CHD2: variants seen among roughly 807,000 people sequenced by gnomAD.
The protein encoded by CHD2 is chromodomain helicase DNA binding protein 2, also known as ATP-dependent chromatin remodeler CHD2.
A neutral mutation model predicts 243.9 loss-of-function variants in CHD2; 28 were observed. The ratio of observed to expected loss-of-function variants is 0.11; its 90% CI spans 0.09 to 0.16. The LOEUF (loss-of-function observed/expected upper bound fraction) is 0.16, where lower values mean the gene tolerates loss of function less well. Among genes scored for constraint, CHD2 ranks in the 10% least tolerant of loss-of-function variants. The pLI, the probability that CHD2 is intolerant of heterozygous loss-of-function variation, is 1.00. For missense variants in CHD2, 1,386 were observed against 2,209.8 expected (o/e 0.63, Z 7.47); for synonymous variants, 775 against 779.0 (o/e 0.99, Z 0.09).
At chr15:92,929,119 A>C (rs760390541) in intron 5 of CHD2, 28 bp downstream of exon 5, 2 of 1,581,756 alleles carry the variant, frequency 1.3e-6, no homozygotes, top group Non-Finnish European at 1.7e-6. Context: ...GAAATTATTC[A>C]ATCTAGTAGT....
intron 10 of CHD2, 125 bp from the exon 11 acceptor site, chr15:92,945,696 A>ATTTTTTTTTTTT: frequency 2.1e-6 from 1 of 475,910 alleles, no homozygotes; most frequent in Non-Finnish European, 3.5e-6. Context: ...CTATAATCCC[A>ATTTTTTTTTTTT]TTTTTTTTTT....
chr15:93,012,226 A>G (rs142808802), intron 35 of CHD2, 119 bp from the exon 36 acceptor site: 1 of 518,656 alleles, frequency 1.9e-6, no homozygotes, highest in African/African-American at 2.0e-5. Context: ...TCTGTAGCTT[A>G]ATTTCTATGC....
chr15:92,948,334 A>G (rs2053503384), intron 12 of CHD2, among the ~76,000 whole-genome samples: 1 of 152,178 alleles, frequency 6.6e-6, no homozygotes, highest in African/African-American at 2.4e-5. Flanking sequence ...TAACAGAAAG[A>G]TAGTTGTTTC....
chr15:93,019,582 G>C (rs2054505781), intron 37 of CHD2, among the ~76,000 whole-genome samples: 1 of 152,168 alleles, frequency 6.6e-6, no homozygotes, highest in Non-Finnish European at 1.5e-5. Context: ...GCTTACTTCA[G>C]CAGCATACCT....
At chr15:92,906,243 TTCTC>T (rs748764469) in intron 2 of CHD2, among the ~76,000 whole-genome samples, 7 of 152,022 alleles carry the variant, frequency 4.6e-5, no homozygotes, top group Admixed American at 2.6e-4. Flanking sequence ...GTTGATCGAT[TTCTC>T]TCTCTTTCTC....
chr15:92,934,501 A>G (rs1177349374), intron 5 of CHD2, among the ~76,000 whole-genome samples: 1 of 152,186 alleles, frequency 6.6e-6, no homozygotes, highest in Non-Finnish European at 1.5e-5. Flanking sequence ...TCACGATCTC[A>G]TATCTTAAAC....
intron 20 of CHD2, among the ~76,000 whole-genome samples, chr15:92,975,527 G>A (rs1483357650): frequency 6.6e-6 from 1 of 152,180 alleles, no homozygotes; most frequent in Non-Finnish European, 1.5e-5. Flanking sequence ...CAGATGCCAT[G>A]GGATTTGAGA....
chr15:92,918,856 C>CAT (rs148019618), intron 2 of CHD2, among the ~76,000 whole-genome samples: 34 of 150,510 alleles, frequency 2.3e-4, no homozygotes, highest in East Asian at 9.7e-4. Flanking sequence ...TATATACATA[C>CAT]ATATATATAT....
intron 20 of CHD2, 23 bp downstream of exon 20, chr15:92,974,973 A>G: frequency 7.5e-6 from 12 of 1,602,430 alleles, no homozygotes; most frequent in Non-Finnish European, 1.0e-5. Context: ...TGGCTTTGTT[A>G]TTTGAGCAAC....
At position 92,972,407 on chromosome 15, in the gene CHD2, A is replaced by G. The variant is rs1419374587; in HGVS notation, c.2495A>G (p.Tyr832Cys). 6 of 1,596,902 alleles carry G rather than the reference A, an allele frequency of 3.8e-6. No individual in the cohort carries two copies. The South Asian group carries it at 4.5e-5, about 12-fold the overall frequency. The part of the protein sequence containing the change: ...ILAEYLTIKH[Y>C]PFQRLDGSIK... ...GCTGAATACCTAACTATTAAACACTATCCTTTCCAGGTAAGGTGATTTCAG... is the reference window on the plus strand; with the variant it reads ...GCTGAATACCTAACTATTAAACACTGTCCTTTCCAGGTAAGGTGATTTCAG... The change falls in exon 19 of 39, where the codon TAT becomes TGT. Residue 832 changes from tyrosine (Y) to cysteine (C), a missense_variant. Tyr to Cys is a radical substitution (Grantham distance 194). Transcript: ENST00000394196.
intron 2 of CHD2, among the ~76,000 whole-genome samples, chr15:92,913,593 C>T (rs535516941): frequency 6.5e-4 from 99 of 152,344 alleles, no homozygotes; most frequent in Non-Finnish European, 1.2e-3. Flanking sequence ...CGGCGGTTCA[C>T]GCCTGTAATC....
chr15:92,901,058 T>TA, intron 1 of CHD2, 109 bp from the exon 2 acceptor site: 2 of 617,620 alleles, frequency 3.2e-6, no homozygotes, highest in Non-Finnish European at 5.8e-6. Flanking sequence ...TTTTGGTGCT[T>TA]ACCGTTGTTG....
intron 28 of CHD2, among the ~76,000 whole-genome samples, chr15:92,995,173 A>G (rs1215403659): frequency 1.3e-5 from 2 of 152,066 alleles, no homozygotes; most frequent in Non-Finnish European, 2.9e-5. Flanking sequence ...AAGTCAAAAT[A>G]TATGTTTAAA....
At chr15:92,925,281 G>A (rs2053037950) in intron 3 of CHD2, among the ~76,000 whole-genome samples, 1 of 152,088 alleles carries the variant, frequency 6.6e-6, no homozygotes, top group Non-Finnish European at 1.5e-5. Flanking sequence ...TTTTCACATG[G>A]TAGCTCTCTG....
At chr15:93,017,181 T>G (rs2141891412) in intron 37 of CHD2, among the ~76,000 whole-genome samples, 1 of 152,338 alleles carries the variant, frequency 6.6e-6, no homozygotes, top group South Asian at 2.1e-4. Flanking sequence ...ACCCAGATCC[T>G]TAGCCTGTTG....
intron 2 of CHD2, among the ~76,000 whole-genome samples, chr15:92,913,219 C>T (rs957955138): frequency 1.3e-5 from 2 of 152,136 alleles, no homozygotes; most frequent in African/African-American, 2.4e-5. Context: ...CAGTGTGGGA[C>T]GGGGTTTCGA....
chr15:92,937,604 C>T lies in CHD2; in HGVS notation c.530C>T (p.Ala177Val). The T allele has an allele frequency of 1.2e-6, 2 of 1,613,378 alleles. No homozygotes were observed. Among genetic ancestry groups the T allele is most frequent in the Non-Finnish European group, 8.5e-7 (1 of 1,179,576 alleles). ...GAGCCAGAACAAAAAAAAGTAAAAG[C>T]CAGAAGACCTGTCCCCAGAAGGTGC... ...ESEPEQKKVK[A>V]RRPVPRRTVP... The change falls in exon 6 of 39, where the codon GCC becomes GTC. Residue 177 changes from alanine to valine, a missense_variant. This residue lies in a region of CHD2 where 90 missense variants were observed against 78.0 expected (regional missense o/e 1.15). Transcript: ENST00000394196.
chr15:92,980,873 C>G lies in CHD2; in HGVS notation c.2935C>G (p.Leu979Val). ...TATTTTGAAATTTGGAGCAGAGGAT[C>G]TCTTCAAAGAACTGGAAGGGGAGGA... is the stretch of plus-strand genomic sequence containing the variant. The part of the protein sequence containing the change: ...TAILKFGAED[L>V]FKELEGEESE... The change falls in exon 23 of 39, where the codon CTC (leucine) becomes GTC (valine). Residue 979 changes from leucine to valine, a missense_variant. Leu to Val is a conservative substitution (Grantham distance 32, BLOSUM62 1). Coordinates refer to ENST00000394196, the MANE Select transcript of CHD2 (RefSeq NM_001271.4). 4 of 1,613,734 alleles carry G rather than the reference C, an allele frequency of 2.5e-6. No individual in the cohort carries two copies. Among genetic ancestry groups the G allele is most frequent in the Non-Finnish European group, 3.4e-6 (4 of 1,179,792 alleles).
chr15:92,942,077 G>A (rs2053390582), intron 8 of CHD2, 122 bp downstream of exon 8: 6 of 923,720 alleles, frequency 6.5e-6, no homozygotes, highest in Non-Finnish European at 8.2e-6. Context: ...ATATGTAGAA[G>A]TCTTTCTGAC....
Sources: allele counts gnomAD v4.1 joint callset (sites outside exome capture counted in the v4.1 genomes callset), GRCh38; gene constraint gnomAD v4.1.1; regional missense constraint gnomAD v4.1.1; transcripts MANE v1.5; gene names NCBI Gene and HGNC (gene_info 2026-07-23, HGNC 2026-07-21).